The following SULT2B1 variants were observed in gnomAD, a reference collection of about 807,000 sequenced individuals.
The protein encoded by SULT2B1 is sulfotransferase 2B1.
Under a neutral mutation model 33.2 loss-of-function variants are expected in SULT2B1, and 16 were observed. The ratio of observed to expected loss-of-function variants is 0.48; its 90% CI spans 0.33 to 0.73. SULT2B1 has a LOEUF of 0.73. SULT2B1 is among the 30% of genes least tolerant of loss of function. The probability of loss-of-function intolerance (pLI) is 0.02; values close to 1 mark genes in which losing one functional copy is unlikely to be tolerated. For missense variants in SULT2B1, 500 were observed against 506.0 expected (o/e 0.99, Z 0.11); for synonymous variants, 186 against 200.5 (o/e 0.93, Z 0.61).
rs1973477996 is a variant in SULT2B1 at position 48,580,952 on chromosome 19, GT to G, written c.214+4870del. On this transcript the variant is annotated intron_variant, in intron 2 of 6. Coordinates refer to ENST00000201586, the MANE Select transcript of SULT2B1 (RefSeq NM_177973.2). ...AGGTGCCTACTGGTGTTTCACTGTA[GT>G]ATTAATTTGCATTTCCCTAACAGCT... is the stretch of plus-strand genomic sequence containing the variant. Among the ~76,000 whole-genome samples the G allele has an allele frequency of 2.4e-4, 35 of 144,660 alleles. No homozygotes were observed. The Admixed American group carries it at 2.4e-3, about 10-fold the overall frequency. 94.9% of individuals were successfully genotyped at this position (144,660 alleles called of 152,430 possible).
rs869189397 is a variant in SULT2B1 at position 48,558,679 on chromosome 19, CTTTTT to C, written c.71+6374_71+6378del. Among the ~76,000 whole-genome samples, 432 of 106,150 alleles carry C rather than the reference CTTTTT, an allele frequency of 4.1e-3. 3 individuals are homozygous for C. Among genetic ancestry groups the C allele is most frequent in the African/African-American group, 0.016 (395 of 24,060 alleles). 69.6% of individuals were successfully genotyped at this position (106,150 alleles called of 152,430 possible). A position where few individuals can be genotyped will look rare whatever the true frequency, so the allele number is the denominator to read the frequency against. On this transcript the variant is annotated intron_variant, in intron 1 of 6. Coordinates refer to ENST00000201586, the MANE Select transcript of SULT2B1 (RefSeq NM_177973.2). ...TGCTTTTTCTTTTTTCTTTTCTTTT[CTTTTT>C]TTTTTTTTTTTTTTTTTGAGACAGA...
intron 2 of SULT2B1, among the ~76,000 whole-genome samples, chr19:48,585,028 AAC>A (rs1472264353): frequency 7.0e-6 from 1 of 142,588 alleles, no homozygotes; most frequent in Non-Finnish European, 1.5e-5. Context: ...CAGCCTGGGC[AAC>A]AGAGTGAGAC....
chr19:48,591,705 C>A lies in SULT2B1; in HGVS notation c.520C>A (p.Gln174Lys), dbSNP rs778540223. Residue 174 changes from glutamine (Q) to lysine (K), a missense_variant, in exon 4 of 7, where the codon CAG becomes AAG. Coordinates refer to ENST00000201586, the MANE Select transcript of SULT2B1 (RefSeq NM_177973.2). ...GTTAAAGGACCCGGGCACACCCGAC[C>A]AGTTCCTGAGGGACTTCCTCAAAGG... is the stretch of plus-strand genomic sequence containing the variant. ...GQLKDPGTPD[Q>K]FLRDFLKGEV... is the part of the protein sequence containing the mutation. 3 of 1,609,520 alleles carry A rather than the reference C, an allele frequency of 1.9e-6. No individual in the cohort carries two copies. The highest frequency in any genetic ancestry group is 1.7e-5 in the Admixed American group (1 of 59,160).
At chr19:48,597,039 G>T (rs1364169864) in intron 6 of SULT2B1, 120 bp downstream of exon 6, 1 of 1,152,320 alleles carries the variant, frequency 8.7e-7, no homozygotes, top group Non-Finnish European at 1.2e-6. Context: ...GGTGAACAGG[G>T]TCACTGTGGC....
intron 2 of SULT2B1, among the ~76,000 whole-genome samples, chr19:48,578,530 C>T (rs73050976): frequency 0.18 from 26,864 of 151,778 alleles, 2,597 homozygotes; most frequent in East Asian, 0.41. Context: ...TGCAGTGAGA[C>T]GCGTTCACCC....
chr19:48,567,001 T>TC (rs1250984014), intron 1 of SULT2B1, among the ~76,000 whole-genome samples: 13 of 151,014 alleles, frequency 8.6e-5, no homozygotes, highest in African/African-American at 3.0e-4. Flanking sequence ...AGACTCTGTT[T>TC]TAAAAAAAAA....
chr19:48,572,315 C>A (rs1973342095), intron 1 of SULT2B1, among the ~76,000 whole-genome samples: 1 of 152,080 alleles, frequency 6.6e-6, no homozygotes, highest in Non-Finnish European at 1.5e-5. Context: ...GAGACCGAGA[C>A]CATCCTGGCT....
intron 1 of SULT2B1, among the ~76,000 whole-genome samples, chr19:48,565,681 G>A (rs1028675187): frequency 1.3e-5 from 2 of 151,928 alleles, no homozygotes; most frequent in Non-Finnish European, 2.9e-5. Context: ...CACCTAGCTA[G>A]TGGTTTTGTT....
chr19:48,599,223 G>A lies in SULT2B1; in HGVS notation c.915G>A (p.Pro305=), dbSNP rs773417492. The change falls in exon 7 of 7, where the codon CCG becomes CCA. Residue 305 remains proline, a synonymous_variant. Coordinates refer to ENST00000201586, the MANE Select transcript of SULT2B1 (RefSeq NM_177973.2). The surrounding 1 kb of genome is among the most constrained non-coding windows in gnomAD (Gnocchi z 4.1). ...RAYRKQMRGM[P]TFPWDEDPEE... is the part of the protein sequence containing the mutation. ...ACCGCAAGCAGATGCGGGGGATGCC[G>A]ACCTTCCCCTGGGATGAAGACCCGG... The A allele has an allele frequency of 1.2e-5, 19 of 1,607,826 alleles. No homozygotes were observed. Among genetic ancestry groups the A allele is most frequent in the African/African-American group, 2.7e-5 (2 of 74,716 alleles).
intron 1 of SULT2B1, among the ~76,000 whole-genome samples, chr19:48,565,495 T>C (rs1401600556): frequency 6.6e-6 from 1 of 151,960 alleles, no homozygotes; most frequent in Non-Finnish European, 1.5e-5. Context: ...TTCTCCTGCC[T>C]CAGCCTCCCG....
rs117476816 is a variant in SULT2B1, at chr19:48,575,967, G to A, written c.98G>A (p.Arg33Gln). The part of the protein sequence containing the change: ...ISQKLPGEYF[R>Q]YKGVPFPVGL... ...CAGAAGTTGCCAGGTGAATACTTCC[G>A]GTACAAGGGCGTCCCCTTCCCCGTC... The change falls in exon 2 of 7, where the codon CGG (arginine) becomes CAG (glutamine). Residue 33 changes from arginine to glutamine, a missense_variant. Coordinates refer to ENST00000201586, the MANE Select transcript of SULT2B1 (RefSeq NM_177973.2). The A allele has an allele frequency of 3.6e-3, 5,862 of 1,613,454 alleles. 113 individuals are homozygous for A. In the East Asian group the frequency reaches 0.059, roughly 16 times the overall value.
rs16982169 is a variant in SULT2B1, at chr19:48,596,782, G to A, written c.689G>A (p.Arg230His). 557 of 1,608,750 alleles carry A rather than the reference G, an allele frequency of 3.5e-4. 1 individual carries two copies. In the African/African-American group the frequency reaches 4.8e-3, roughly 14 times the overall value. Residue 230 changes from arginine to histidine, a missense_variant, in exon 6 of 7, where the codon CGT (arginine) becomes CAT (histidine). By Grantham distance (29) the Arg-to-His change is conservative. Transcript: ENST00000201586. ...SVERICGFLG[R>H]PLGKEALGSV... ...GAGCGCATCTGTGGGTTCCTGGGCC[G>A]TCCGCTGGGCAAGGAGGCACTGGGC...
At chr19:48,585,391 G>T (rs1181683497) in intron 2 of SULT2B1, among the ~76,000 whole-genome samples, 2 of 151,958 alleles carry the variant, frequency 1.3e-5, no homozygotes, top group African/African-American at 4.8e-5. Context: ...ACCTCAGCCG[G>T]GCGCAGTGGC....
chr19:48,566,606 C>T (rs1973245651), intron 1 of SULT2B1, among the ~76,000 whole-genome samples: 1 of 152,008 alleles, frequency 6.6e-6, no homozygotes, highest in South Asian at 2.1e-4. Flanking sequence ...TTTTGGGAGA[C>T]TGAGGCGGGT....
intron 5 of SULT2B1, among the ~76,000 whole-genome samples, chr19:48,595,140 G>A (rs1471992034): frequency 6.6e-6 from 1 of 152,140 alleles, no homozygotes; most frequent in Non-Finnish European, 1.5e-5. Context: ...AAATTAGCCA[G>A]GCGTGGTGGC....
At chr19:48,590,804 T>C (rs1328099632) in intron 3 of SULT2B1, among the ~76,000 whole-genome samples, 1 of 151,918 alleles carries the variant, frequency 6.6e-6, no homozygotes, top group Non-Finnish European at 1.5e-5. Flanking sequence ...ATTTAGTTTT[T>C]GGTGGATCTG....
intron 1 of SULT2B1, among the ~76,000 whole-genome samples, chr19:48,554,130 G>T (rs980676045): frequency 1.3e-5 from 2 of 152,038 alleles, no homozygotes; most frequent in Non-Finnish European, 2.9e-5. Flanking sequence ...CTCCAGCCCT[G>T]ATGGCTGCAG....
At chr19:48,597,079 A>G (rs1238734311) in intron 6 of SULT2B1, among the ~76,000 whole-genome samples, 160 bp downstream of exon 6, 1 of 152,150 alleles carries the variant, frequency 6.6e-6, no homozygotes, top group Non-Finnish European at 1.5e-5. Flanking sequence ...GGGGCTTAGC[A>G]CTGACTCAGC....
chr19:48,562,930 T>C (rs1158554678), intron 1 of SULT2B1, among the ~76,000 whole-genome samples: 2 of 152,166 alleles, frequency 1.3e-5, no homozygotes, highest in Non-Finnish European at 2.9e-5. Flanking sequence ...TCCGCCTGCC[T>C]TGGCCTCCCA....
Sources: gnomAD v4.1 joint callset for allele counts (sites outside exome capture counted in the v4.1 genomes callset) on GRCh38, gnomAD v4.1.1 for gene constraint, Gnocchi (gnomAD v3.1) non-coding constraint, MANE v1.5 for transcripts, NCBI Gene and HGNC (gene_info 2026-07-23, HGNC 2026-07-21) for gene names.